Variants in SLC6A20 observed in about 807,000 individuals in gnomAD.
SLC6A20 encodes sodium- and chloride-dependent transporter XTRP3.
SLC6A20 carries 73 observed loss-of-function variants against 64.3 expected under a neutral mutation model. The observed-to-expected ratio is 1.14, with a 90% CI of 0.94 to 1.38. The LOEUF (loss-of-function observed/expected upper bound fraction) is 1.38, where lower values mean the gene tolerates loss of function less well. SLC6A20 is among the 40% of genes most tolerant of loss of function. SLC6A20 has a pLI of 0.00. For missense variants in SLC6A20, 725 were observed against 772.8 expected (o/e 0.94, Z 0.73); for synonymous variants, 347 against 329.6 (o/e 1.05, Z -0.57).
chr3:45,771,141 C>T (rs1699855518), intron 6 of SLC6A20, 76 bp downstream of exon 6: 2 of 1,593,068 alleles, frequency 1.3e-6, no homozygotes, highest in South Asian at 1.1e-5. Context: ...TGCACTTTGC[C>T]CCAGCCCTTG....
intron 7 of SLC6A20, among the ~76,000 whole-genome samples, chr3:45,766,853 T>C (rs74850924): frequency 0.034 from 5,174 of 152,280 alleles, 274 homozygotes; most frequent in African/African-American, 0.11. Flanking sequence ...AATTCCTGTT[T>C]TTTGCTGGGC....
chr3:45,780,505 G>A (rs1700062255), intron 2 of SLC6A20, among the ~76,000 whole-genome samples: 1 of 152,254 alleles, frequency 6.6e-6, no homozygotes, highest in African/African-American at 2.4e-5. Context: ...ACCTCATGCT[G>A]TGAGAAGCAC....
At position 45,765,425 on chromosome 3, in the gene SLC6A20, C is replaced by T; in HGVS notation, c.1303+112G>A. The T allele has an allele frequency of 1.7e-6, 2 of 1,200,690 alleles. No individual in the cohort carries two copies. The highest frequency in any genetic ancestry group is 1.5e-5 in the African/African-American group (1 of 66,466). The allele number at this position is 1,200,690 out of a possible 1,614,324, so 74.4% of individuals were successfully genotyped here. ...CAGGACCGTGGTGAGGTGGCTGCAA[C>T]CCCCTGTAGCCACCTGAACCAGCCC... On this transcript the variant is annotated intron_variant, in intron 8 of 10. Coordinates refer to ENST00000358525, the MANE Select transcript of SLC6A20 (RefSeq NM_020208.4). The surrounding 1 kb of genome is among the most constrained non-coding windows in gnomAD (Gnocchi z 4.2).
Position 45,775,728 on chromosome 3 carries a change from G to A in SLC6A20, c.582+33C>T, listed in dbSNP as rs748633098. The stretch of plus-strand genomic sequence containing the variant: ...CCTTGGTGCACCCTCCCACCCACCA[G>A]GAGCACCGGGCTTCTGTGCCTCACT... On this transcript the variant is annotated intron_variant, in intron 4 of 10. Transcript: ENST00000358525. 3.8e-6 allele frequency: 6 copies of A among 1,592,268 alleles called. No individual in the cohort carries two copies. In the South Asian group the frequency reaches 6.8e-5, roughly 18 times the overall value.
intron 3 of SLC6A20, among the ~76,000 whole-genome samples, chr3:45,778,739 G>A (rs1700018232): frequency 6.6e-6 from 1 of 152,200 alleles, no homozygotes; most frequent in Non-Finnish European, 1.5e-5. Context: ...CCATACATGA[G>A]CCCTGCACAG....
chr3:45,770,476 T>G, intron 6 of SLC6A20, 105 bp from the exon 7 acceptor site: 5 of 1,361,006 alleles, frequency 3.7e-6, no homozygotes, highest in Non-Finnish European at 5.0e-6. Context: ...AAAGGGAGTC[T>G]GTTGCTTGGT....
At chr3:45,780,246 A>ACCTCCCACAC in intron 2 of SLC6A20, 146 bp from the exon 3 acceptor site, 1 of 650,642 alleles carries the variant, frequency 1.5e-6, no homozygotes, top group Non-Finnish European at 2.7e-6. Flanking sequence ...GGTGAGTATT[A>ACCTCCCACAC]AGCGAGACCA....
chr3:45,762,406 G>A (rs1166976643), intron 9 of SLC6A20, among the ~76,000 whole-genome samples: 3 of 152,216 alleles, frequency 2.0e-5, no homozygotes. Context: ...GGTTGCTCTA[G>A]ACCAGTGGCT....
At position 45,765,531 on chromosome 3, in the gene SLC6A20, G is replaced by A. The variant is rs201822679; in HGVS notation, c.1303+6C>T. On this transcript the variant is annotated splice_donor_region_variant and intron_variant, in intron 8 of 10. Transcript: ENST00000358525. The surrounding 1 kb of genome is among the most constrained non-coding windows in gnomAD (Gnocchi z 4.2). ...CCTGCCTCCTCCACTGGCTGGCCCC[G>A]CTGACCTGAGATGGCCTCCTTGGGC... The A allele has an allele frequency of 2.5e-5, 41 of 1,609,430 alleles. No individual in the cohort carries two copies. The highest frequency in any genetic ancestry group is 6.7e-5 in the East Asian group (3 of 44,666).
intron 4 of SLC6A20, among the ~76,000 whole-genome samples, chr3:45,773,939 T>C (rs949186793): frequency 1.3e-5 from 2 of 152,242 alleles, no homozygotes; most frequent in Admixed American, 1.3e-4. Context: ...TCCATCACAA[T>C]GGGCACTAAG....
chr3:45,760,756 A>G (rs1324351843), intron 9 of SLC6A20, among the ~76,000 whole-genome samples: 1 of 152,238 alleles, frequency 6.6e-6, no homozygotes, highest in Non-Finnish European at 1.5e-5. Flanking sequence ...TTTTGAATAC[A>G]CGTACACAGT....
intron 3 of SLC6A20, among the ~76,000 whole-genome samples, chr3:45,777,792 A>C (rs1575432088): frequency 6.6e-6 from 1 of 152,204 alleles, no homozygotes; most frequent in East Asian, 1.9e-4. Flanking sequence ...TGTGGGACTG[A>C]CCTGAGTCTG....
chr3:45,785,435 C>T (rs912791289), intron 1 of SLC6A20, among the ~76,000 whole-genome samples: 5 of 152,126 alleles, frequency 3.3e-5, no homozygotes, highest in African/African-American at 9.7e-5. Context: ...AAAAGGTGAG[C>T]CTGGCTTAGC....
chr3:45,760,414 A>T (rs186059069), intron 9 of SLC6A20, among the ~76,000 whole-genome samples: 22 of 145,470 alleles, frequency 1.5e-4, no homozygotes, highest in African/African-American at 5.4e-4. Flanking sequence ...GGCTTTGCCC[A>T]CCCCCCTACC....
At chr3:45,781,195 G>T (rs1484859291) in intron 2 of SLC6A20, among the ~76,000 whole-genome samples, 1 of 151,078 alleles carries the variant, frequency 6.6e-6, no homozygotes, top group Non-Finnish European at 1.5e-5. Flanking sequence ...ACTCCAGCCT[G>T]GGCAATAAGA....
chr3:45,771,543 G>C, intron 5 of SLC6A20, 85 bp from the exon 6 acceptor site: 1 of 1,578,296 alleles, frequency 6.3e-7, no homozygotes, highest in Non-Finnish European at 8.6e-7. Flanking sequence ...AGCCCAGAGA[G>C]GGGAAGGAGC....
chr3:45,782,909 C>G (rs1700121204), intron 1 of SLC6A20, among the ~76,000 whole-genome samples: 1 of 152,220 alleles, frequency 6.6e-6, no homozygotes. Flanking sequence ...CTGCCAAACC[C>G]CACATTCCAT....
intron 1 of SLC6A20, among the ~76,000 whole-genome samples, chr3:45,787,927 T>C (rs997359460): frequency 1.3e-5 from 2 of 152,184 alleles, no homozygotes; most frequent in Non-Finnish European, 2.9e-5. Context: ...GTAATCTCCA[T>C]CTCTTTATCC....
rs536547543 is a variant in SLC6A20 at position 45,755,680 on chromosome 3, A to G, written c.*3298T>C. On this transcript the variant is annotated 3_prime_UTR_variant, in exon 11 of 11. Transcript: ENST00000358525. ...GGAGGGTGGGTGGACAAATGTCGAC[A>G]TGGCCACTTTTGTGCAGTATCTAGG... 2.0e-5 allele frequency: 3 copies of G among 152,640 alleles called. No individual in the cohort carries two copies. Among genetic ancestry groups the G allele is most frequent in the Non-Finnish European group, 4.4e-5 (3 of 68,042 alleles). 9.5% of individuals were successfully genotyped at this position (152,640 alleles called of 1,614,324 possible).
Sources: allele counts gnomAD v4.1 joint callset (sites outside exome capture counted in the v4.1 genomes callset), GRCh38; gene constraint gnomAD v4.1.1; non-coding constraint Gnocchi (gnomAD v3.1); transcripts MANE v1.5; gene names NCBI Gene and HGNC (gene_info 2026-07-23, HGNC 2026-07-21).